The following KCND2 variants were observed in gnomAD, a reference collection of about 807,000 sequenced individuals.
KCND2 encodes the protein potassium voltage-gated channel subfamily D member 2.
A neutral mutation model predicts 54.4 loss-of-function variants in KCND2; 16 were observed. That is an observed-to-expected ratio of 0.29 (90% CI 0.20 to 0.45). The LOEUF is 0.45. Ranked by LOEUF, KCND2 falls within the 20% of genes least tolerant of loss-of-function variation. The pLI, the probability that KCND2 is intolerant of heterozygous loss-of-function variation, is 1.00. For synonymous variants in KCND2, 317 were observed against 310.7 expected, an observed-to-expected ratio of 1.02 and a Z score of -0.21; for missense variants, 486 against 824.2, an observed-to-expected ratio of 0.59 and a Z score of 5.02.
At chr7:120,434,978 A>C (rs1801845579) in intron 1 of KCND2, among the ~76,000 whole-genome samples, 1 of 152,184 alleles carries the variant, frequency 6.6e-6, no homozygotes, top group Admixed American at 6.5e-5. Flanking sequence ...AAAAAAAAGA[A>C]TAATGGTATA....
chr7:120,385,535 G>T (rs1800975729), intron 1 of KCND2, among the ~76,000 whole-genome samples: 1 of 152,068 alleles, frequency 6.6e-6, no homozygotes. Flanking sequence ...TGAAAAGGGA[G>T]AACTTTTAAC....
chr7:120,441,700 G>T (rs1801947685), intron 1 of KCND2, among the ~76,000 whole-genome samples: 1 of 152,046 alleles, frequency 6.6e-6, no homozygotes, highest in South Asian at 2.1e-4. Flanking sequence ...CTAACTAATT[G>T]CTGAGTGAGT....
intron 1 of KCND2, among the ~76,000 whole-genome samples, chr7:120,427,090 A>T (rs1801718920): frequency 1.3e-5 from 2 of 152,176 alleles, no homozygotes. Flanking sequence ...TTTGATGTAG[A>T]CAGTGGTTTC....
At position 120,273,470 on chromosome 7, in the gene KCND2, G is replaced by A. The variant is rs1311264998; in HGVS notation, c.-1163G>A. Reference sequence around the variant, plus strand: ...CCGCGCTGGCCAGGCTCCCGCGACAGTGGCCCCGCAGTAAGTTGGCAGGAG... The same window carrying A: ...CCGCGCTGGCCAGGCTCCCGCGACAATGGCCCCGCAGTAAGTTGGCAGGAG... On this transcript the variant is annotated 5_prime_UTR_variant, in exon 1 of 6. The change creates a new upstream start codon in the 5' untranslated region. Coordinates refer to ENST00000331113, the MANE Select transcript of KCND2 (RefSeq NM_012281.3). 6.6e-6 allele frequency among the ~76,000 whole-genome samples: 1 copy of A among 150,688 alleles called. No individual in the cohort carries two copies. Among genetic ancestry groups the A allele is most frequent in the African/African-American group, 2.4e-5 (1 of 41,278 alleles).
chr7:120,343,782 T>C (rs1800274773), intron 1 of KCND2, among the ~76,000 whole-genome samples: 1 of 152,218 alleles, frequency 6.6e-6, no homozygotes, highest in Non-Finnish European at 1.5e-5. Context: ...TATTTTATAT[T>C]ACCCAGAATG....
chr7:120,659,144 A>G (rs1344059622), intron 1 of KCND2, among the ~76,000 whole-genome samples: 1 of 152,172 alleles, frequency 6.6e-6, no homozygotes, highest in East Asian at 1.9e-4. Context: ...CAAATATACT[A>G]CCAATGGAGG....
chr7:120,342,339 G>C (rs980436854), intron 1 of KCND2, among the ~76,000 whole-genome samples: 4 of 152,134 alleles, frequency 2.6e-5, no homozygotes, highest in Non-Finnish European at 5.9e-5. Context: ...TAAGCATTTG[G>C]TGAATGCTAG....
intron 1 of KCND2, among the ~76,000 whole-genome samples, chr7:120,424,218 T>C (rs1036273106): frequency 6.6e-6 from 1 of 152,320 alleles, no homozygotes; most frequent in East Asian, 1.9e-4. Context: ...TCATTGACAT[T>C]CAAGTCTCAA....
At chr7:120,290,941 G>T (rs531045518) in intron 1 of KCND2, among the ~76,000 whole-genome samples, 2 of 151,850 alleles carry the variant, frequency 1.3e-5, no homozygotes, top group Admixed American at 1.3e-4. Flanking sequence ...AAAATGAAGA[G>T]TGTATTCTGG....
At chr7:120,401,177 G>A (rs181245168) in intron 1 of KCND2, among the ~76,000 whole-genome samples, 20 of 152,198 alleles carry the variant, frequency 1.3e-4, no homozygotes, top group East Asian at 7.7e-4. Flanking sequence ...GAAAAGCAGG[G>A]AGCAAAAAAT....
At position 120,605,447 on chromosome 7, in the gene KCND2, C is replaced by A. The variant is rs576460279; in HGVS notation, c.1116-127456C>A. On this transcript the variant is annotated intron_variant, in intron 1 of 5. Coordinates refer to ENST00000331113, the MANE Select transcript of KCND2 (RefSeq NM_012281.3). Reference sequence around the variant, plus strand: ...AATAATGTTCCATTGTATGAATATACCACATTTTGTCTATTCATTCATCAG... The same window carrying A: ...AATAATGTTCCATTGTATGAATATAACACATTTTGTCTATTCATTCATCAG... Among the ~76,000 whole-genome samples the A allele has an allele frequency of 2.7e-4, 41 of 152,248 alleles. 1 individual carries two copies. The South Asian group carries it at 3.3e-3, about 12-fold the overall frequency.
intron 1 of KCND2, among the ~76,000 whole-genome samples, chr7:120,426,501 C>A (rs1167359825): frequency 6.6e-6 from 1 of 151,792 alleles, no homozygotes; most frequent in African/African-American, 2.4e-5. Flanking sequence ...CACATTTCCA[C>A]ATTTTCTTCC....
chr7:120,360,921 T>A (rs1800583836), intron 1 of KCND2, among the ~76,000 whole-genome samples: 1 of 152,166 alleles, frequency 6.6e-6, no homozygotes, highest in South Asian at 2.1e-4. Flanking sequence ...TTTATGAGCA[T>A]AATCTGTAAG....
At chr7:120,608,019 T>G (rs1792904160) in intron 1 of KCND2, among the ~76,000 whole-genome samples, 1 of 145,826 alleles carries the variant, frequency 6.9e-6, no homozygotes, top group African/African-American at 2.7e-5. Context: ...TGTGACTGTT[T>G]TTTTTTTTTC....
At chr7:120,388,532 G>C (rs1801022342) in intron 1 of KCND2, among the ~76,000 whole-genome samples, 1 of 151,896 alleles carries the variant, frequency 6.6e-6, no homozygotes, top group Non-Finnish European at 1.5e-5. Flanking sequence ...AGATGGAGGT[G>C]GAACCCATTT....
chr7:120,700,687 G>A (rs925271881), intron 1 of KCND2, among the ~76,000 whole-genome samples: 1 of 152,124 alleles, frequency 6.6e-6, no homozygotes, highest in Non-Finnish European at 1.5e-5. Context: ...AACAAATGTT[G>A]AAATCAATTC....
At chr7:120,502,547 A>T (rs571677232) in intron 1 of KCND2, among the ~76,000 whole-genome samples, 2 of 152,206 alleles carry the variant, frequency 1.3e-5, no homozygotes, top group East Asian at 3.9e-4. Flanking sequence ...CTTCAGCAAC[A>T]TCCAGGAACT....
At chr7:120,363,827 C>A (rs1299517685) in intron 1 of KCND2, among the ~76,000 whole-genome samples, 1 of 152,060 alleles carries the variant, frequency 6.6e-6, no homozygotes, top group Non-Finnish European at 1.5e-5. Context: ...CTTTCTGTTC[C>A]TCTGATAGAT....
chr7:120,511,569 CA>C (rs1259478557), intron 1 of KCND2, among the ~76,000 whole-genome samples: 2 of 152,082 alleles, frequency 1.3e-5, no homozygotes, highest in African/African-American at 2.4e-5. Context: ...TATACATCCC[CA>C]GAATGATTTT....
Sources: gnomAD v4.1 joint callset for allele counts (sites outside exome capture counted in the v4.1 genomes callset) on GRCh38, gnomAD v4.1.1 for gene constraint, MANE v1.5 for transcripts, NCBI Gene and HGNC (gene_info 2026-07-23, HGNC 2026-07-21) for gene names.